Variants in PLXNA2 observed in about 807,000 individuals in gnomAD.
PLXNA2 encodes the protein plexin A2, also known as plexin-A2.
A neutral mutation model predicts 193.5 loss-of-function variants in PLXNA2; 91 were observed. The ratio of observed to expected loss-of-function variants is 0.47; its 90% CI spans 0.40 to 0.56. The LOEUF is 0.56. PLXNA2 is among the 20% of genes least tolerant of loss of function. PLXNA2 has a pLI of 0.00. For missense variants in PLXNA2, 1,995 were observed against 2,503.2 expected, an observed-to-expected ratio of 0.80 and a Z score of 4.33; for synonymous variants, 997 against 1,027.3, an observed-to-expected ratio of 0.97 and a Z score of 0.56.
At chr1:208,175,859 T>C (rs752897864) in intron 3 of PLXNA2, among the ~76,000 whole-genome samples, 3 of 152,148 alleles carry the variant, frequency 2.0e-5, no homozygotes, top group African/African-American at 4.8e-5. Flanking sequence ...GTTCAAACCA[T>C]AGTTAAAAGA....
chr1:208,192,336 G>T (rs920775842), intron 3 of PLXNA2, among the ~76,000 whole-genome samples: 2 of 149,650 alleles, frequency 1.3e-5, no homozygotes, highest in Non-Finnish European at 3.0e-5. Flanking sequence ...GTGTGTGCAC[G>T]TGCACACATA....
chr1:208,227,265 T>C (rs968400228), intron 1 of PLXNA2, among the ~76,000 whole-genome samples: 1 of 152,180 alleles, frequency 6.6e-6, no homozygotes, highest in Non-Finnish European at 1.5e-5. Flanking sequence ...CTACTATTAT[T>C]ATTATTTATT....
At chr1:208,191,470 G>C (rs1242391885) in intron 3 of PLXNA2, among the ~76,000 whole-genome samples, 2 of 152,156 alleles carry the variant, frequency 1.3e-5, no homozygotes, top group African/African-American at 4.8e-5. Flanking sequence ...AAAGAAAAAG[G>C]ACAATTATAA....
At chr1:208,170,729 C>A (rs1243819001) in intron 3 of PLXNA2, among the ~76,000 whole-genome samples, 1 of 152,330 alleles carries the variant, frequency 6.6e-6, no homozygotes, top group Middle Eastern at 3.4e-3. Flanking sequence ...CTATAATCTA[C>A]ATTGTTTTTA....
intron 4 of PLXNA2, among the ~76,000 whole-genome samples, chr1:208,123,367 C>T (rs191277245): frequency 3.3e-4 from 51 of 152,304 alleles, no homozygotes; most frequent in Middle Eastern, 3.4e-3. Flanking sequence ...CCCACTGATC[C>T]AGTTTAGTCA....
intron 1 of PLXNA2, among the ~76,000 whole-genome samples, chr1:208,228,086 C>A (rs1481240941): frequency 1.3e-5 from 2 of 152,194 alleles, no homozygotes; most frequent in East Asian, 3.9e-4. Context: ...CCCACTTACT[C>A]TCCTTTGAAG....
chr1:208,130,752 C>T (rs1401947971), intron 4 of PLXNA2, among the ~76,000 whole-genome samples: 1 of 152,144 alleles, frequency 6.6e-6, no homozygotes, highest in African/African-American at 2.4e-5. Flanking sequence ...ACCTCCCTCC[C>T]GCAACAAACT....
At chr1:208,094,291 G>C (rs1275921768) in intron 8 of PLXNA2, among the ~76,000 whole-genome samples, 1 of 152,134 alleles carries the variant, frequency 6.6e-6, no homozygotes, top group Non-Finnish European at 1.5e-5. Context: ...CTTTCTGTGG[G>C]CCTCAGTTTA....
intron 4 of PLXNA2, among the ~76,000 whole-genome samples, chr1:208,125,869 G>C (rs2102457135): frequency 6.6e-6 from 1 of 152,308 alleles, no homozygotes; most frequent in East Asian, 1.9e-4. Context: ...GATCCGGACA[G>C]GCAGTTTTAC....
intron 3 of PLXNA2, among the ~76,000 whole-genome samples, chr1:208,195,992 A>T (rs1251910973): frequency 6.6e-6 from 1 of 151,660 alleles, no homozygotes. Context: ...ATATGGCCTC[A>T]TGGGGGAGTC....
At chr1:208,138,780 A>G (rs1359480663) in intron 4 of PLXNA2, among the ~76,000 whole-genome samples, 3 of 152,228 alleles carry the variant, frequency 2.0e-5, no homozygotes, top group Non-Finnish European at 4.4e-5. Context: ...TAATCCCAGC[A>G]CTTTGGGAGG....
intron 9 of PLXNA2, among the ~76,000 whole-genome samples, chr1:208,092,300 T>C: frequency 6.6e-6 from 1 of 152,230 alleles, no homozygotes; most frequent in East Asian, 1.9e-4. Flanking sequence ...TCTCACTTTC[T>C]ACAAGGCCAC....
At chr1:208,220,085 G>C (rs541880259) in intron 1 of PLXNA2, among the ~76,000 whole-genome samples, 173 of 152,306 alleles carry the variant, frequency 1.1e-3, no homozygotes, top group African/African-American at 4.1e-3. Flanking sequence ...GGTTCCAGGT[G>C]GAGAGTGGTT....
chr1:208,224,570 G>A (rs1170264336), intron 1 of PLXNA2, among the ~76,000 whole-genome samples: 1 of 152,162 alleles, frequency 6.6e-6, no homozygotes, highest in African/African-American at 2.4e-5. Context: ...GGAAAATAGC[G>A]GGACCAAAGG....
chr1:208,157,951 G>A (rs1284759515), intron 3 of PLXNA2, among the ~76,000 whole-genome samples: 4 of 152,196 alleles, frequency 2.6e-5, no homozygotes, highest in East Asian at 3.8e-4. Context: ...GGAGCCCAGC[G>A]GAGTCCAAGC....
Position 208,208,791 on chromosome 1 carries a change from A to G in PLXNA2, c.1371+1489T>C, listed in dbSNP as rs531343623. Among the ~76,000 whole-genome samples the G allele has an allele frequency of 2.0e-3, 304 of 152,328 alleles. 1 individual carries two copies. Among genetic ancestry groups the G allele is most frequent in the African/African-American group, 7.2e-3 (298 of 41,574 alleles). Reference sequence around the variant, plus strand: ...TGAGCAGATGTTTATACCACAGGGTACATGATGTGACAGGGAGAGCTCAGG... The same window carrying G: ...TGAGCAGATGTTTATACCACAGGGTGCATGATGTGACAGGGAGAGCTCAGG... On this transcript the variant is annotated intron_variant, in intron 3 of 31. Coordinates refer to ENST00000367033, the MANE Select transcript of PLXNA2 (RefSeq NM_025179.4).
rs1409382440 is a variant in PLXNA2 at position 208,236,272 on chromosome 1, G to GA, written c.-81+7370dup. Among the ~76,000 whole-genome samples the GA allele has an allele frequency of 6.6e-6, 1 of 152,084 alleles. No homozygotes were observed. Among genetic ancestry groups the GA allele is most frequent in the Admixed American group, 6.5e-5 (1 of 15,274 alleles). ...CTTCAGGTATTTTTGTTCCTCAGGA[G>GA]AAAAAAATGGGAAACCGGGGAGCAG... On this transcript the variant is annotated intron_variant, in intron 1 of 31. Transcript: ENST00000367033. This position sits in a 1 kb window ranked among gnomAD's most constrained non-coding sequence, Gnocchi z 4.4.
At chr1:208,071,294 C>T (rs1250478987) in intron 12 of PLXNA2, among the ~76,000 whole-genome samples, 1 of 152,226 alleles carries the variant, frequency 6.6e-6, no homozygotes, top group Non-Finnish European at 1.5e-5. Flanking sequence ...CAGGAGGGTT[C>T]TGCCCTGAGG....
At chr1:208,174,855 G>A (rs1490941799) in intron 3 of PLXNA2, among the ~76,000 whole-genome samples, 1 of 152,200 alleles carries the variant, frequency 6.6e-6, no homozygotes, top group African/African-American at 2.4e-5. Flanking sequence ...GTGGATACAA[G>A]AGAAATTCCC....
Sources: gnomAD v4.1 joint callset for allele counts (sites outside exome capture counted in the v4.1 genomes callset) on GRCh38, gnomAD v4.1.1 for gene constraint, Gnocchi (gnomAD v3.1) non-coding constraint, MANE v1.5 for transcripts, NCBI Gene and HGNC (gene_info 2026-07-23, HGNC 2026-07-21) for gene names.